The following MED13L variants were observed in gnomAD, a reference collection of about 807,000 sequenced individuals.
The protein encoded by MED13L is mediator complex subunit 13L.
In MED13L, 7 loss-of-function variants were observed where a neutral mutation model predicts 220.9. The observed-to-expected ratio is 0.03, with a 90% CI of 0.02 to 0.06. MED13L has a LOEUF of 0.06. MED13L is among the 10% of genes least tolerant of loss of function. The probability of loss-of-function intolerance (pLI) is 1.00; values close to 1 mark genes in which losing one functional copy is unlikely to be tolerated. For synonymous variants in MED13L, 1,011 were observed against 1,015.2 expected, an observed-to-expected ratio of 1.00 and a Z score of 0.08; for missense variants, 1,965 against 2,760.5, an observed-to-expected ratio of 0.71 and a Z score of 6.46.
chr12:115,983,602 A>C, intron 20 of MED13L, 62 bp from the exon 21 acceptor site: 1 of 1,555,824 alleles, frequency 6.4e-7, no homozygotes, highest in Non-Finnish European at 8.8e-7. Context: ...ACTGAACCAG[A>C]ATCTAGAATG....
At chr12:116,111,673 C>T (rs978732664) in intron 2 of MED13L, among the ~76,000 whole-genome samples, 161 bp from the exon 3 acceptor site, 1 of 151,884 alleles carries the variant, frequency 6.6e-6, no homozygotes, top group Non-Finnish European at 1.5e-5. Flanking sequence ...AGTATTTGCC[C>T]AAAGTTAGAA....
At chr12:116,171,329 C>A (rs1292013413) in intron 2 of MED13L, among the ~76,000 whole-genome samples, 1 of 152,182 alleles carries the variant, frequency 6.6e-6, no homozygotes, top group African/African-American at 2.4e-5. Flanking sequence ...GATAGGGGCT[C>A]CCTACCTGGG....
chr12:116,183,969 C>A (rs1880714320), intron 2 of MED13L, among the ~76,000 whole-genome samples: 1 of 152,020 alleles, frequency 6.6e-6, no homozygotes, highest in South Asian at 2.1e-4. Context: ...TTAGTGGAAG[C>A]CAGCAAAGCT....
chr12:116,162,709 T>C (rs1460028210), intron 2 of MED13L, among the ~76,000 whole-genome samples: 1 of 152,242 alleles, frequency 6.6e-6, no homozygotes, highest in Non-Finnish European at 1.5e-5. Flanking sequence ...CAAATAAACC[T>C]ATTTGGAAAA....
intron 2 of MED13L, among the ~76,000 whole-genome samples, chr12:116,137,998 A>AG (rs1318199325): frequency 1.3e-5 from 2 of 151,732 alleles, no homozygotes; most frequent in African/African-American, 4.8e-5. Flanking sequence ...CTGGGATTAC[A>AG]GGCGCCTGCC....
At chr12:116,176,387 A>G (rs1444401675) in intron 2 of MED13L, among the ~76,000 whole-genome samples, 1 of 152,070 alleles carries the variant, frequency 6.6e-6, no homozygotes, top group Non-Finnish European at 1.5e-5. Context: ...CTCAATAAAT[A>G]TAAGCTCCCA....
chr12:116,006,061 C>A, intron 12 of MED13L, 68 bp from the exon 13 acceptor site: 1 of 1,592,960 alleles, frequency 6.3e-7, no homozygotes, highest in South Asian at 1.1e-5. Context: ...AGGGAGAGGA[C>A]ACGGATCTCA....
chr12:116,063,516 TCAAA>T (rs766356876), intron 4 of MED13L, among the ~76,000 whole-genome samples: 6 of 152,146 alleles, frequency 3.9e-5, no homozygotes, highest in African/African-American at 7.2e-5. Flanking sequence ...AGACCCTGTC[TCAAA>T]CAAACAAACA....
chr12:116,248,485 C>T (rs1871259891), intron 1 of MED13L, among the ~76,000 whole-genome samples: 1 of 152,132 alleles, frequency 6.6e-6, no homozygotes, highest in Non-Finnish European at 1.5e-5. Context: ...AACAATATGA[C>T]TTAAAGGGTT....
chr12:116,109,080 TTTTTTTTG>T (rs1271752436), intron 3 of MED13L, among the ~76,000 whole-genome samples: 24 of 77,688 alleles, frequency 3.1e-4, no homozygotes, highest in African/African-American at 7.5e-4. Flanking sequence ...TTTTTTTTTT[TTTTTTTTG>T]GAAACAGGGT....
At chr12:116,081,323 T>G (rs1688797919) in intron 4 of MED13L, among the ~76,000 whole-genome samples, 1 of 152,248 alleles carries the variant, frequency 6.6e-6, no homozygotes, top group Non-Finnish European at 1.5e-5. Context: ...TGCATTACGA[T>G]GCTAATTTTG....
intron 2 of MED13L, among the ~76,000 whole-genome samples, chr12:116,167,381 C>T (rs1879358174): frequency 6.6e-6 from 1 of 152,066 alleles, no homozygotes; most frequent in African/African-American, 2.4e-5. Context: ...GTATACAATG[C>T]TCTATTTTTA....
At chr12:116,248,309 A>G (rs1871247085) in intron 1 of MED13L, among the ~76,000 whole-genome samples, 1 of 152,204 alleles carries the variant, frequency 6.6e-6, no homozygotes, top group Non-Finnish European at 1.5e-5. Context: ...GTATCAACAG[A>G]ACCAAATGGA....
chr12:116,270,497 T>C (rs1033066861), intron 1 of MED13L, among the ~76,000 whole-genome samples: 1 of 152,174 alleles, frequency 6.6e-6, no homozygotes, highest in African/African-American at 2.4e-5. Context: ...ACACGAATTT[T>C]AAACTATTTT....
chr12:115,996,724 T>G, intron 15 of MED13L, 43 bp from the exon 16 acceptor site: 1 of 1,523,374 alleles, frequency 6.6e-7, no homozygotes, highest in Non-Finnish European at 9.1e-7. Flanking sequence ...TGGTAAACTC[T>G]GTAGAACACA....
intron 4 of MED13L, among the ~76,000 whole-genome samples, chr12:116,057,171 T>C (rs1232292774): frequency 3.3e-5 from 5 of 152,136 alleles, no homozygotes; most frequent in African/African-American, 4.8e-5. Flanking sequence ...GAAGGAATAA[T>C]TGTAGTAGAG....
chr12:116,118,655 C>T (rs1326553766), intron 2 of MED13L, among the ~76,000 whole-genome samples: 1 of 152,066 alleles, frequency 6.6e-6, no homozygotes, highest in East Asian at 1.9e-4. Flanking sequence ...TCCAGAAATA[C>T]AGGAGCAGCA....
intron 2 of MED13L, among the ~76,000 whole-genome samples, chr12:116,170,540 G>C (rs994102838): frequency 1.3e-5 from 2 of 149,924 alleles, no homozygotes; most frequent in Non-Finnish European, 3.0e-5. Flanking sequence ...TTCTCTCATA[G>C]AACATTAAAA....
intron 26 of MED13L, 107 bp downstream of exon 26, chr12:115,971,971 T>G: frequency 7.8e-7 from 1 of 1,275,992 alleles, no homozygotes; most frequent in Non-Finnish European, 1.1e-6. Flanking sequence ...CAATCTTCCC[T>G]TATAGAAATA....
Sources: allele counts gnomAD v4.1 joint callset (sites outside exome capture counted in the v4.1 genomes callset), GRCh38; gene constraint gnomAD v4.1.1; transcripts MANE v1.5; gene names NCBI Gene and HGNC (gene_info 2026-07-23, HGNC 2026-07-21).